MRTFB: variants seen among roughly 807,000 people sequenced by gnomAD.
MRTFB encodes myocardin-related transcription factor B.
Under a neutral mutation model 104.2 loss-of-function variants are expected in MRTFB, and 29 were observed. The ratio of observed to expected loss-of-function variants is 0.28; its 90% confidence interval spans 0.21 to 0.38. MRTFB has a LOEUF of 0.38. Among genes scored for constraint, MRTFB ranks in the 10% least tolerant of loss-of-function variants. The pLI is 1.00. For synonymous variants in MRTFB, 535 were observed against 519.5 expected, an observed-to-expected ratio of 1.03 and a Z score of -0.41; for missense variants, 1,270 against 1,341.6, an observed-to-expected ratio of 0.95 and a Z score of 0.83.
At chr16:14,253,195 C>G (rs571186126) in intron 15 of MRTFB, among the ~76,000 whole-genome samples, 1 of 152,266 alleles carries the variant, frequency 6.6e-6, no homozygotes, top group African/African-American at 2.4e-5. Flanking sequence ...CATGAGAGTA[C>G]TTGTCATACA....
chr16:14,088,682 A>G (rs1361522749), intron 2 of MRTFB, among the ~76,000 whole-genome samples: 1 of 152,188 alleles, frequency 6.6e-6, no homozygotes, highest in Non-Finnish European at 1.5e-5. Flanking sequence ...TTAATTTAGC[A>G]GCACTCTGAG....
the MRTFB span, among the ~76,000 whole-genome samples, chr16:14,024,537 A>G: frequency 6.6e-6 from 1 of 152,184 alleles, no homozygotes; most frequent in Non-Finnish European, 1.5e-5. Context: ...ATTTCTCATG[A>G]CTCAGCAGTT....
chr16:14,253,833 G>A (rs1209379461), intron 15 of MRTFB, among the ~76,000 whole-genome samples: 1 of 152,160 alleles, frequency 6.6e-6, no homozygotes, highest in Non-Finnish European at 1.5e-5. Flanking sequence ...TGTCTGTGAG[G>A]GAAAAGTCAG....
intron 3 of MRTFB, chr16:14,200,116 T>A (rs1405246105): frequency 1.6e-6 from 1 of 619,846 alleles, no homozygotes; most frequent in African/African-American, 1.8e-5. Context: ...TTTAAGGGCG[T>A]GTTCCATTAT....
At chr16:14,037,304 T>G in the MRTFB span, among the ~76,000 whole-genome samples, 2 of 152,330 alleles carry the variant, frequency 1.3e-5, no homozygotes, top group Non-Finnish European at 2.9e-5. Flanking sequence ...AGATGGTAGA[T>G]CATGGTTATT....
intron 2 of MRTFB, among the ~76,000 whole-genome samples, chr16:14,097,569 CA>C (rs1050548994): frequency 4.3e-4 from 66 of 152,278 alleles, no homozygotes; most frequent in African/African-American, 1.4e-3. Flanking sequence ...TTTTTGTAAA[CA>C]GCTTTATTGA....
intron 10 of MRTFB, among the ~76,000 whole-genome samples, chr16:14,243,240 A>G (rs762982152): frequency 1.6e-4 from 25 of 152,250 alleles, no homozygotes; most frequent in Non-Finnish European, 2.6e-4. Flanking sequence ...AAAGATTTCA[A>G]TTATTTAACT....
At chr16:14,014,281 C>T in the MRTFB span, among the ~76,000 whole-genome samples, 4 of 152,124 alleles carry the variant, frequency 2.6e-5, no homozygotes, top group Non-Finnish European at 5.9e-5. Flanking sequence ...CAAGGTGGCT[C>T]ATGCCTGTAA....
At chr16:14,145,645 AC>A (rs2038273539) in intron 3 of MRTFB, among the ~76,000 whole-genome samples, 1 of 152,246 alleles carries the variant, frequency 6.6e-6, no homozygotes, top group South Asian at 2.1e-4. Context: ...ACTTTTCCTA[AC>A]AAGTGAGGCC....
chr16:14,261,540 C>G lies in MRTFB; in HGVS notation c.*96C>G. 1 of 1,248,508 alleles carries G rather than the reference C, an allele frequency of 8.0e-7. No individual in the cohort carries two copies. The highest frequency in any genetic ancestry group is 1.5e-5 in the South Asian group (1 of 64,806). The allele number at this position is 1,248,508 out of a possible 1,614,324, so 77.3% of individuals were successfully genotyped here. A position where few individuals can be genotyped will look rare whatever the true frequency, so the allele number is the denominator to read the frequency against. The stretch of plus-strand genomic sequence containing the variant: ...AGATAGATCTATAGTTGCATTGTTG[C>G]AATCAAAATATGTTGTCACAGAAAG... On this transcript the variant is annotated 3_prime_UTR_variant, in exon 17 of 17. Coordinates refer to ENST00000571589, the MANE Select transcript of MRTFB (RefSeq NM_001308142.2).
intron 3 of MRTFB, among the ~76,000 whole-genome samples, chr16:14,203,953 G>T (rs566625768): frequency 1.3e-5 from 2 of 151,948 alleles, no homozygotes; most frequent in South Asian, 4.2e-4. Flanking sequence ...TAAAGGTTTT[G>T]TTTTGTGTGT....
At position 14,132,508 on chromosome 16, in the gene MRTFB, C is replaced by T. The variant is rs1231194792; in HGVS notation, c.-63-8036C>T. 2.0e-5 allele frequency among the ~76,000 whole-genome samples: 3 copies of T among 152,122 alleles called. No homozygotes were observed. The East Asian group carries it at 5.8e-4, about 29-fold the overall frequency. ...GTGTTAGAAACTTGTATTTCTACTA[C>T]CTGCTAAAGTGCTTTTGTGAAACTC... is the stretch of plus-strand genomic sequence containing the variant. On this transcript the variant is annotated intron_variant, in intron 2 of 16. Transcript: ENST00000571589.
At chr16:14,039,401 G>C in the MRTFB span, among the ~76,000 whole-genome samples, 1 of 152,112 alleles carries the variant, frequency 6.6e-6, no homozygotes, top group African/African-American at 2.4e-5. Flanking sequence ...GGGAGACTGT[G>C]GAATGAATAG....
chr16:14,256,197 A>C (rs1258569338), intron 15 of MRTFB, among the ~76,000 whole-genome samples: 1 of 151,224 alleles, frequency 6.6e-6, no homozygotes, highest in Non-Finnish European at 1.5e-5. Flanking sequence ...AGGATAACAA[A>C]AAAAAAAAAA....
intron 3 of MRTFB, among the ~76,000 whole-genome samples, chr16:14,198,193 G>T (rs567825923): frequency 6.6e-6 from 1 of 152,198 alleles, no homozygotes; most frequent in African/African-American, 2.4e-5. Flanking sequence ...ATATTCCATT[G>T]TATGGATATG....
the MRTFB span, among the ~76,000 whole-genome samples, chr16:14,059,178 G>T: frequency 4.6e-5 from 7 of 151,930 alleles, no homozygotes; most frequent in African/African-American, 1.7e-4. Context: ...TCAAATCAGG[G>T]TATTAACATA....
the MRTFB span, among the ~76,000 whole-genome samples, chr16:14,049,163 C>T: frequency 6.6e-6 from 1 of 152,184 alleles, no homozygotes; most frequent in Non-Finnish European, 1.5e-5. Context: ...CAGTCCCCAC[C>T]ACACAGAATT....
the MRTFB span, among the ~76,000 whole-genome samples, chr16:14,012,233 C>CTTT: frequency 7.8e-6 from 1 of 127,784 alleles, no homozygotes; most frequent in African/African-American, 3.0e-5. Flanking sequence ...TCTTTTTTTT[C>CTTT]TTTTTTTTTT....
chr16:14,005,523 T>C, the MRTFB span, among the ~76,000 whole-genome samples: 1 of 152,066 alleles, frequency 6.6e-6, no homozygotes, highest in Non-Finnish European at 1.5e-5. Context: ...ATTTAGCAGA[T>C]GGGAAAGTAA....
Sources: gnomAD v4.1 joint callset for allele counts (sites outside exome capture counted in the v4.1 genomes callset) on GRCh38, gnomAD v4.1.1 for gene constraint, MANE v1.5 for transcripts, NCBI Gene and HGNC (gene_info 2026-07-23, HGNC 2026-07-21) for gene names.